Variants in NAMPT observed in about 807,000 individuals in gnomAD.
NAMPT encodes the protein NAmPRTase.
NAMPT carries 7 observed loss-of-function variants against 58.7 expected under a neutral mutation model. That is an observed-to-expected ratio of 0.12 (90% CI 0.07 to 0.22). NAMPT has a LOEUF of 0.22. NAMPT is among the 10% of genes least tolerant of loss of function. The pLI, the probability that NAMPT is intolerant of heterozygous loss-of-function variation, is 1.00. For missense variants in NAMPT, 271 were observed against 567.9 expected, an observed-to-expected ratio of 0.48 and a Z score of 5.31; for synonymous variants, 145 against 198.1, an observed-to-expected ratio of 0.73 and a Z score of 2.25.
intron 4 of NAMPT, chr7:106,272,136 AC>A (rs763981121): frequency 8.1e-6 from 3 of 371,316 alleles, no homozygotes; most frequent in African/African-American, 6.8e-5. Flanking sequence ...GAAAGTAGTT[AC>A]TAGAAGTTGG....
rs537352100 is a variant in NAMPT at position 106,249,672 on chromosome 7, T to A, written c.*1411A>T. On this transcript the variant is annotated 3_prime_UTR_variant, in exon 11 of 11. Coordinates refer to ENST00000222553, the MANE Select transcript of NAMPT (RefSeq NM_005746.3). ...CTTTGCGATTCTCATTTGGCTTCTA[T>A]TGCAGCTGTTTACCTTAGGCTGGAG... 1.3e-5 allele frequency: 2 copies of A among 152,200 alleles called. No individual in the cohort carries two copies. Among genetic ancestry groups the A allele is most frequent in the South Asian group, 4.1e-4 (2 of 4,830 alleles). The allele number at this position is 152,200 out of a possible 1,614,324, so 9.4% of individuals were successfully genotyped here.
intron 6 of NAMPT, among the ~76,000 whole-genome samples, chr7:106,267,840 C>CAAAAAAAAAAA (rs769070307): frequency 0.03 from 1,007 of 33,152 alleles, 265 homozygotes; most frequent in Non-Finnish European, 0.04. Context: ...GACTCCGTCT[C>CAAAAAAAAAAA]AAAAAAAAAA....
chr7:106,262,392 G>A (rs1052872049), intron 7 of NAMPT, among the ~76,000 whole-genome samples: 2 of 151,992 alleles, frequency 1.3e-5, no homozygotes, highest in Non-Finnish European at 2.9e-5. Context: ...ACTGATTAAA[G>A]ATTCTAACAA....
At chr7:106,268,376 TG>T in intron 6 of NAMPT, 87 bp downstream of exon 6, 1 of 1,190,920 alleles carries the variant, frequency 8.4e-7, no homozygotes, top group Non-Finnish European at 1.2e-6. Flanking sequence ...TGTAGGTACC[TG>T]GCTCTGCAGT....
chr7:106,277,479 AAG>A (rs1181266756), intron 1 of NAMPT, among the ~76,000 whole-genome samples: 2 of 152,152 alleles, frequency 1.3e-5, no homozygotes, highest in African/African-American at 4.8e-5. Context: ...CATCCAGGCG[AAG>A]AGAGAGAGAA....
chr7:106,274,696 A>G (rs1792600160), intron 3 of NAMPT, among the ~76,000 whole-genome samples: 1 of 152,094 alleles, frequency 6.6e-6, no homozygotes, highest in East Asian at 1.9e-4. Flanking sequence ...CTCTACTAAA[A>G]ATACAAAAAT....
chr7:106,261,555 G>A (rs1343528472), intron 8 of NAMPT, 33 bp downstream of exon 8: 6 of 1,433,738 alleles, frequency 4.2e-6, no homozygotes, highest in Non-Finnish European at 5.8e-6. Flanking sequence ...TATAAGAAAT[G>A]CCTTATTGAA....
At chr7:106,264,603 T>C (rs945226431) in intron 6 of NAMPT, among the ~76,000 whole-genome samples, 1 of 152,050 alleles carries the variant, frequency 6.6e-6, no homozygotes, top group African/African-American at 2.4e-5. Flanking sequence ...ATTTTGGATT[T>C]GGGATGCTCA....
intron 8 of NAMPT, among the ~76,000 whole-genome samples, chr7:106,261,106 G>C (rs1349896803): frequency 2.0e-5 from 3 of 152,128 alleles, no homozygotes; most frequent in Non-Finnish European, 4.4e-5. Context: ...ATAAAATGAG[G>C]TACGCCTGCA....
intron 6 of NAMPT, 135 bp from the exon 7 acceptor site, chr7:106,263,752 A>AAT (rs1361834212): frequency 7.0e-6 from 5 of 712,926 alleles, no homozygotes; most frequent in Non-Finnish European, 1.2e-5. Flanking sequence ...TAGTTTAATG[A>AAT]ATATACATCG....
intron 6 of NAMPT, among the ~76,000 whole-genome samples, chr7:106,266,787 A>G (rs577320174): frequency 1.3e-5 from 2 of 152,342 alleles, no homozygotes; most frequent in South Asian, 4.1e-4. Context: ...AATATAAAAA[A>G]GTCCCCTAAG....
At chr7:106,254,575 G>T (rs1586010827) in intron 8 of NAMPT, 71 bp from the exon 9 acceptor site, 2 of 1,485,900 alleles carry the variant, frequency 1.3e-6, no homozygotes, top group South Asian at 1.2e-5. Flanking sequence ...ATTTTCAAGG[G>T]ACAATATTGA....
At chr7:106,277,860 G>A (rs1019907412) in intron 1 of NAMPT, among the ~76,000 whole-genome samples, 1 of 152,154 alleles carries the variant, frequency 6.6e-6, no homozygotes, top group Non-Finnish European at 1.5e-5. Context: ...ACTTGGGTAA[G>A]AGCCACCATG....
chr7:106,269,384 T>TG, intron 4 of NAMPT, 72 bp from the exon 5 acceptor site: 2 of 1,062,124 alleles, frequency 1.9e-6, no homozygotes, highest in Non-Finnish European at 1.3e-6. Context: ...AATCCTAGCT[T>TG]TTTTTTTTTT....
chr7:106,267,838 CT>C (rs1233990694), intron 6 of NAMPT, among the ~76,000 whole-genome samples: 6 of 6,452 alleles, frequency 9.3e-4, no homozygotes, highest in East Asian at 5.2e-3. Context: ...GAGACTCCGT[CT>C]CAAAAAAAAA....
At chr7:106,284,618 T>G (rs939873075) in intron 1 of NAMPT, 8 of 314,878 alleles carry the variant, frequency 2.5e-5, no homozygotes, top group African/African-American at 2.2e-4. Flanking sequence ...CGCCCAGCCC[T>G]CCATCCTCCT....
chr7:106,283,523 CTATT>C (rs963916788), intron 1 of NAMPT, among the ~76,000 whole-genome samples: 1 of 152,048 alleles, frequency 6.6e-6, no homozygotes, highest in African/African-American at 2.4e-5. Context: ...TCTAAAATCA[CTATT>C]TAAAATTTTG....
intron 6 of NAMPT, among the ~76,000 whole-genome samples, chr7:106,267,863 A>AC (rs1562815941): frequency 1.4e-5 from 2 of 138,466 alleles, no homozygotes; most frequent in South Asian, 2.2e-4. Flanking sequence ...AAAAAAAAAA[A>AC]AAAAAAAAAA....
intron 9 of NAMPT, among the ~76,000 whole-genome samples, chr7:106,254,077 T>C (rs1210222962): frequency 6.6e-6 from 1 of 152,140 alleles, no homozygotes; most frequent in African/African-American, 2.4e-5. Flanking sequence ...AATATTACTT[T>C]TTGATCTAAA....
Sources: allele counts gnomAD v4.1 joint callset (sites outside exome capture counted in the v4.1 genomes callset), GRCh38; gene constraint gnomAD v4.1.1; transcripts MANE v1.5; gene names NCBI Gene and HGNC (gene_info 2026-07-23, HGNC 2026-07-21).